Variants in ZRANB3 observed in about 807,000 individuals in gnomAD.
ZRANB3 encodes zinc finger RANBP2-type containing 3.
ZRANB3 carries 125 observed loss-of-function variants against 133.8 expected under a neutral mutation model. That is an observed-to-expected ratio of 0.93 (90% CI 0.81 to 1.08). ZRANB3 has a LOEUF of 1.08. ZRANB3 is among the 50% of genes least tolerant of loss of function. The probability of loss-of-function intolerance (pLI) is 0.00; values close to 1 mark genes in which losing one functional copy is unlikely to be tolerated. For missense variants in ZRANB3, 1,229 were observed against 1,275.5 expected (o/e 0.96, Z 0.56); for synonymous variants, 387 against 432.7 (o/e 0.89, Z 1.31).
intron 9 of ZRANB3, among the ~76,000 whole-genome samples, chr2:135,274,472 G>A (rs1680682399): frequency 6.6e-6 from 1 of 152,136 alleles, no homozygotes; most frequent in Non-Finnish European, 1.5e-5. Flanking sequence ...AAAGGCCACT[G>A]TGTAGGTAAA....
chr2:135,363,406 A>G (rs901657818), intron 3 of ZRANB3, among the ~76,000 whole-genome samples: 2 of 152,222 alleles, frequency 1.3e-5, no homozygotes, highest in Non-Finnish European at 2.9e-5. Flanking sequence ...GCTCACATGC[A>G]TATGTATTAT....
intron 2 of ZRANB3, among the ~76,000 whole-genome samples, chr2:135,417,949 G>A (rs1026415421): frequency 2.6e-5 from 4 of 152,184 alleles, no homozygotes; most frequent in South Asian, 2.1e-4. Context: ...ATCACACTCC[G>A]GGGACTGTTG....
intron 2 of ZRANB3, among the ~76,000 whole-genome samples, chr2:135,398,125 G>A (rs1687581451): frequency 6.6e-6 from 1 of 151,990 alleles, no homozygotes; most frequent in African/African-American, 2.4e-5. Flanking sequence ...GAGTGCAGTG[G>A]CGCCATCTCC....
chr2:135,353,723 G>A (rs1305645529), intron 3 of ZRANB3, 95 bp from the exon 4 acceptor site: 1 of 859,798 alleles, frequency 1.2e-6, no homozygotes, highest in Non-Finnish European at 1.6e-6. Context: ...ATTATTAGCT[G>A]GGTGTGATGG....
intron 2 of ZRANB3, among the ~76,000 whole-genome samples, chr2:135,498,260 G>C (rs1214318230): frequency 6.6e-6 from 1 of 152,048 alleles, no homozygotes; most frequent in East Asian, 1.9e-4. Flanking sequence ...ATCCCAAATG[G>C]AGGGACCGGC....
chr2:135,503,374 T>C (rs766015085), intron 2 of ZRANB3, among the ~76,000 whole-genome samples: 22 of 152,204 alleles, frequency 1.4e-4, no homozygotes, highest in Non-Finnish European at 2.9e-4. Context: ...AATAATAAAC[T>C]GTGGGTGTTG....
chr2:135,391,871 G>A (rs1687249700), intron 2 of ZRANB3, among the ~76,000 whole-genome samples: 1 of 152,104 alleles, frequency 6.6e-6, no homozygotes, highest in Non-Finnish European at 1.5e-5. Context: ...GAGCCACCGC[G>A]CCTGGCCGCT....
At chr2:135,379,233 A>C (rs1686576227) in intron 3 of ZRANB3, among the ~76,000 whole-genome samples, 1 of 152,212 alleles carries the variant, frequency 6.6e-6, no homozygotes, top group Non-Finnish European at 1.5e-5. Context: ...TTGGACTTAG[A>C]AACAAGGAAG....
At chr2:135,493,648 T>C (rs931607625) in intron 2 of ZRANB3, among the ~76,000 whole-genome samples, 3 of 152,062 alleles carry the variant, frequency 2.0e-5, no homozygotes, top group African/African-American at 4.8e-5. Context: ...ATGCCTAAAA[T>C]AAAAAAGGCT....
chr2:135,232,822 G>A (rs1161664895), intron 12 of ZRANB3, among the ~76,000 whole-genome samples: 7 of 152,132 alleles, frequency 4.6e-5, no homozygotes, highest in African/African-American at 1.7e-4. Flanking sequence ...ACCAAAGGTA[G>A]ATAAAATCAC....
intron 1 of ZRANB3, among the ~76,000 whole-genome samples, chr2:135,512,712 C>CA (rs542629643): frequency 2.5e-4 from 37 of 145,228 alleles, no homozygotes; most frequent in African/African-American, 7.9e-4. Context: ...AGGTTTCAGG[C>CA]AAAAAAAAAT....
At chr2:135,252,857 C>A (rs1422911974) in intron 12 of ZRANB3, among the ~76,000 whole-genome samples, 1 of 152,172 alleles carries the variant, frequency 6.6e-6, no homozygotes, top group Non-Finnish European at 1.5e-5. Flanking sequence ...TCCTTAAGTG[C>A]CTGCTTCAAT....
At chr2:135,242,085 A>T (rs1194130143) in intron 12 of ZRANB3, among the ~76,000 whole-genome samples, 1 of 152,106 alleles carries the variant, frequency 6.6e-6, no homozygotes, top group Non-Finnish European at 1.5e-5. Flanking sequence ...AGGCTGAGGC[A>T]CGAGAATCGC....
chr2:135,493,519 A>G (rs1377510556), intron 2 of ZRANB3, among the ~76,000 whole-genome samples: 1 of 152,198 alleles, frequency 6.6e-6, no homozygotes, highest in East Asian at 1.9e-4. Context: ...TATATGTTGT[A>G]TATAACATAT....
At chr2:135,503,119 TAA>T (rs1018479875) in intron 2 of ZRANB3, among the ~76,000 whole-genome samples, 3 of 152,192 alleles carry the variant, frequency 2.0e-5, no homozygotes, top group African/African-American at 7.2e-5. Flanking sequence ...GTTTGGGTTA[TAA>T]GAGTATATGC....
chr2:135,510,304 G>C (rs1361791135), intron 1 of ZRANB3, among the ~76,000 whole-genome samples: 1 of 152,054 alleles, frequency 6.6e-6, no homozygotes, highest in Admixed American at 6.6e-5. Flanking sequence ...TCTTCTTCTT[G>C]AAAAATCCGT....
intron 12 of ZRANB3, among the ~76,000 whole-genome samples, chr2:135,252,255 A>T (rs1222018167): frequency 6.6e-6 from 1 of 152,146 alleles, no homozygotes; most frequent in Admixed American, 6.5e-5. Flanking sequence ...TGGGCTTAAT[A>T]CCTGGGTGAT....
chr2:135,212,700 G>C (rs557681557), intron 17 of ZRANB3, among the ~76,000 whole-genome samples: 1 of 152,294 alleles, frequency 6.6e-6, no homozygotes, highest in Non-Finnish European at 1.5e-5. Context: ...AGTAAATAGA[G>C]AAGGGAGAAT....
At chr2:135,294,514 C>T (rs966815414) in intron 8 of ZRANB3, among the ~76,000 whole-genome samples, 1 of 152,012 alleles carries the variant, frequency 6.6e-6, no homozygotes, top group African/African-American at 2.4e-5. Context: ...TGCTAGCAGT[C>T]TATCAATTTT....
Sources: gnomAD v4.1 joint callset for allele counts (sites outside exome capture counted in the v4.1 genomes callset) on GRCh38, gnomAD v4.1.1 for gene constraint, MANE v1.5 for transcripts, NCBI Gene and HGNC (gene_info 2026-07-23, HGNC 2026-07-21) for gene names.